FOXN3: variants seen among roughly 807,000 people sequenced by gnomAD.
FOXN3 encodes forkhead box protein N3.
Under a neutral mutation model 38.4 loss-of-function variants are expected in FOXN3, and 7 were observed. The ratio of observed to expected loss-of-function variants is 0.18; its 90% CI spans 0.10 to 0.34. FOXN3 has a LOEUF of 0.34. Ranked by LOEUF, FOXN3 falls within the 10% of genes least tolerant of loss-of-function variation. The pLI, the probability that FOXN3 is intolerant of heterozygous loss-of-function variation, is 1.00. For synonymous variants in FOXN3, 230 were observed against 242.2 expected, an observed-to-expected ratio of 0.95 and a Z score of 0.47; for missense variants, 456 against 613.4, an observed-to-expected ratio of 0.74 and a Z score of 2.71.
intron 1 of FOXN3, among the ~76,000 whole-genome samples, chr14:89,481,676 T>C (rs902498900): frequency 3.9e-5 from 6 of 152,204 alleles, no homozygotes; most frequent in African/African-American, 1.4e-4. Flanking sequence ...TTTCTGCATC[T>C]CTGTTGCCTC....
rs1337983313 is a variant in FOXN3 at position 89,457,973 on chromosome 14, T to C, written c.-14-45483A>G. On this transcript the variant is annotated intron_variant, in intron 1 of 6. Coordinates refer to the FOXN3 transcript ENST00000345097. Reference sequence around the variant, plus strand: ...AGGTTGCAGTGAGCGGAGGTTGCAGTGAGCCAAGATTGCGCCATCGCACTC... The same window carrying C: ...AGGTTGCAGTGAGCGGAGGTTGCAGCGAGCCAAGATTGCGCCATCGCACTC... 2.9e-5 allele frequency among the ~76,000 whole-genome samples: 4 copies of C among 135,858 alleles called. No individual in the cohort carries two copies. The East Asian group carries it at 6.3e-4, about 21-fold the overall frequency. 89.1% of individuals were successfully genotyped at this position (135,858 alleles called of 152,430 possible).
chr14:89,227,103 T>A (rs1596115958), intron 4 of FOXN3, among the ~76,000 whole-genome samples: 1 of 152,208 alleles, frequency 6.6e-6, no homozygotes, highest in Admixed American at 6.5e-5. Context: ...TATTACATTA[T>A]ACAAAGACCA....
intron 4 of FOXN3, among the ~76,000 whole-genome samples, chr14:89,236,969 C>T (rs1354711762): frequency 6.6e-6 from 1 of 152,196 alleles, no homozygotes; most frequent in East Asian, 1.9e-4. Flanking sequence ...CTCTCTCTTC[C>T]ATCAGTCACC....
At chr14:89,196,602 A>G (rs1888105381) in intron 4 of FOXN3, among the ~76,000 whole-genome samples, 2 of 152,094 alleles carry the variant, frequency 1.3e-5, no homozygotes, top group African/African-American at 4.8e-5. Flanking sequence ...CACCTACCAA[A>G]TGGGGCATCT....
chr14:89,544,234 G>T (rs1022757566), intron 1 of FOXN3, among the ~76,000 whole-genome samples: 1 of 151,812 alleles, frequency 6.6e-6, no homozygotes, highest in East Asian at 1.9e-4. Flanking sequence ...GTAGAGACGG[G>T]GTTTCACTGT....
chr14:89,589,537 A>C (rs913395030), intron 1 of FOXN3, among the ~76,000 whole-genome samples: 1 of 152,114 alleles, frequency 6.6e-6, no homozygotes, highest in Non-Finnish European at 1.5e-5. Context: ...CTTCGACTGC[A>C]TAAGGGGAAG....
intron 1 of FOXN3, among the ~76,000 whole-genome samples, chr14:89,433,812 CAAA>C (rs770167740): frequency 2.2e-5 from 2 of 91,956 alleles, no homozygotes; most frequent in Non-Finnish European, 4.5e-5. Context: ...ACTCTGTCTC[CAAA>C]AAAAAAAAAA....
At chr14:89,505,717 C>T (rs1893906815) in intron 1 of FOXN3, among the ~76,000 whole-genome samples, 1 of 151,914 alleles carries the variant, frequency 6.6e-6, no homozygotes, top group South Asian at 2.1e-4. Flanking sequence ...AAGTGAGGAG[C>T]GTCTCTGCCT....
At chr14:89,425,213 G>A (rs1384700173) in intron 1 of FOXN3, among the ~76,000 whole-genome samples, 1 of 151,910 alleles carries the variant, frequency 6.6e-6, no homozygotes, top group Non-Finnish European at 1.5e-5. Context: ...TGGGATTACA[G>A]GCACATGCCA....
At chr14:89,213,757 G>A (rs1417834548) in intron 4 of FOXN3, among the ~76,000 whole-genome samples, 1 of 152,180 alleles carries the variant, frequency 6.6e-6, no homozygotes, top group African/African-American at 2.4e-5. Context: ...TCCTGGGGGA[G>A]GCAGTAAGAC....
At chr14:89,219,050 T>C (rs769145859) in intron 4 of FOXN3, among the ~76,000 whole-genome samples, 4 of 152,230 alleles carry the variant, frequency 2.6e-5, no homozygotes, top group Non-Finnish European at 5.9e-5. Flanking sequence ...AACTCCCTTC[T>C]TCCCCTAAGA....
chr14:89,297,377 A>G (rs1173209676), intron 3 of FOXN3, among the ~76,000 whole-genome samples: 2 of 152,096 alleles, frequency 1.3e-5, no homozygotes, highest in East Asian at 3.9e-4. Flanking sequence ...CCTGGCTAAC[A>G]CGGTGAAACC....
At chr14:89,318,194 T>C (rs1887787835) in intron 3 of FOXN3, among the ~76,000 whole-genome samples, 2 of 142,168 alleles carry the variant, frequency 1.4e-5, no homozygotes, top group Non-Finnish European at 3.0e-5. Flanking sequence ...GTTTCACTCA[T>C]GTTGCCCAGG....
chr14:89,313,940 C>T (rs765814874), intron 3 of FOXN3, among the ~76,000 whole-genome samples: 5 of 151,948 alleles, frequency 3.3e-5, no homozygotes, highest in Admixed American at 1.3e-4. Context: ...TAGTCAAATT[C>T]GTAGAAACAG....
intron 1 of FOXN3, among the ~76,000 whole-genome samples, chr14:89,511,263 CT>C (rs1185318443): frequency 0.093 from 3,835 of 41,278 alleles, 1,420 homozygotes; most frequent in Middle Eastern, 0.2. Context: ...TTCTTTCTTT[CT>C]TTCTTTCTTT....
intron 5 of FOXN3, among the ~76,000 whole-genome samples, chr14:89,176,856 C>T (rs1486493042): frequency 2.0e-5 from 3 of 152,268 alleles, no homozygotes; most frequent in East Asian, 1.9e-4. Context: ...AAAGATACTA[C>T]AAGCAAGTAC....
chr14:89,367,259 G>C (rs932833831), intron 2 of FOXN3, among the ~76,000 whole-genome samples: 2 of 152,116 alleles, frequency 1.3e-5, no homozygotes, highest in Admixed American at 6.5e-5. Context: ...CACTTTTAAG[G>C]AGACACTGCC....
intron 1 of FOXN3, among the ~76,000 whole-genome samples, chr14:89,573,253 T>C (rs1316705709): frequency 2.0e-5 from 3 of 152,276 alleles, no homozygotes; most frequent in African/African-American, 7.2e-5. Context: ...ATCTTGGGAA[T>C]AGATTTCTGG....
At position 89,159,016 on chromosome 14, in the gene FOXN3, A is replaced by T. The variant is rs1218617712; in HGVS notation, c.*3398T>A. The T allele has an allele frequency of 6.6e-6, 1 of 152,648 alleles. No homozygotes were observed. Among genetic ancestry groups the T allele is most frequent in the Non-Finnish European group, 1.5e-5 (1 of 68,046 alleles). 9.5% of individuals were successfully genotyped at this position (152,648 alleles called of 1,614,324 possible). ...CTAATGGATACATATGCTAGTTTGG[A>T]AGCTAAAAGAACACCTGACGTTTGG... On this transcript the variant is annotated 3_prime_UTR_variant, in exon 6 of 6. Transcript: ENST00000557258.
Sources: allele counts gnomAD v4.1 joint callset (sites outside exome capture counted in the v4.1 genomes callset), GRCh38; gene constraint gnomAD v4.1.1; transcripts MANE v1.5; gene names NCBI Gene and HGNC (gene_info 2026-07-23, HGNC 2026-07-21).